Variants in PPAT observed in about 807,000 individuals in gnomAD.
PPAT encodes amidophosphoribosyltransferase.
In PPAT, 20 loss-of-function variants were observed where a neutral mutation model predicts 60.2. That is an observed-to-expected ratio of 0.33 (90% confidence interval 0.23 to 0.48). The LOEUF (loss-of-function observed/expected upper bound fraction) is 0.48, where lower values mean the gene tolerates loss of function less well. Ranked by LOEUF, PPAT falls within the 20% of genes least tolerant of loss-of-function variation. The pLI, the probability that PPAT is intolerant of heterozygous loss-of-function variation, is 0.99. For missense variants in PPAT, 349 were observed against 629.6 expected, an observed-to-expected ratio of 0.55 and a Z score of 4.77; for synonymous variants, 194 against 215.1, an observed-to-expected ratio of 0.90 and a Z score of 0.86.
In PPAT at chr4:56,431,480, C is replaced by G. The variant is rs1457668362; in HGVS notation, c.128+3870G>C. 4.1e-6 allele frequency: 4 copies of G among 976,732 alleles called. No homozygotes were observed. In the African/African-American group the frequency reaches 5.3e-5, roughly 13 times the overall value. 60.5% of individuals were successfully genotyped at this position (976,732 alleles called of 1,614,324 possible). A position where few individuals can be genotyped will look rare whatever the true frequency, so the allele number is the denominator to read the frequency against. On this transcript the variant is annotated intron_variant, in intron 1 of 10. Coordinates refer to ENST00000264220, the MANE Select transcript of PPAT (RefSeq NM_002703.5). ...TGAGATCATTACAAATCAGTTTCCT[C>G]AAAGCGTAATAACAGAACCAAAAGA...
intron 4 of PPAT, 41 bp downstream of exon 4, chr4:56,403,248 T>C: frequency 6.3e-7 from 1 of 1,597,056 alleles, no homozygotes; most frequent in Non-Finnish European, 8.6e-7. Flanking sequence ...GGCAAAACTC[T>C]CCTTACTAGA....
In PPAT at chr4:56,407,696, A is replaced by T; in HGVS notation, c.149T>A (p.Ile50Asn). The change falls in exon 2 of 11, where the codon ATT becomes AAT. Residue 50 changes from isoleucine to asparagine, a missense_variant. Ile to Asn is a moderately radical substitution (Grantham distance 149). Coordinates refer to ENST00000264220, the MANE Select transcript of PPAT (RefSeq NM_002703.5). ...CACCGAACTCCCATCACTAGTCACAATACCAGCACTCTCCTGACCCCTGTG... is the reference window on the plus strand; with the variant it reads ...CACCGAACTCCCATCACTAGTCACATTACCAGCACTCTCCTGACCCCTGTG... ...LQHRGQESAG[I>N]VTSDGSSVPT... The T allele has an allele frequency of 6.2e-7, 1 of 1,605,294 alleles. No homozygotes were observed. Among genetic ancestry groups the T allele is most frequent in the East Asian group, 2.2e-5 (1 of 44,876 alleles).
intron 3 of PPAT, 150 bp from the exon 4 acceptor site, chr4:56,403,551 T>C (rs190083489): frequency 1.6e-6 from 1 of 615,672 alleles, no homozygotes; most frequent in East Asian, 2.8e-5. Flanking sequence ...CCCCAACCTT[T>C]TTGGCACCAG....
At chr4:56,422,348 A>G (rs1339471497) in intron 1 of PPAT, 8 of 152,104 alleles carry the variant, frequency 5.3e-5, no homozygotes, top group Admixed American at 5.2e-4. Flanking sequence ...ATATCCCCTT[A>G]TGTTCATACA....
chr4:56,428,910 A>G, intron 1 of PPAT: 9 of 721,616 alleles, frequency 1.2e-5, no homozygotes, highest in Non-Finnish European at 1.5e-5. Flanking sequence ...GATGTCACAT[A>G]ATGATTCTTT....
intron 5 of PPAT, among the ~76,000 whole-genome samples, 199 bp from the exon 6 acceptor site, chr4:56,402,380 G>C (rs952198432): frequency 6.6e-6 from 1 of 152,072 alleles, no homozygotes; most frequent in African/African-American, 2.4e-5. Context: ...CTAACATTAT[G>C]ATTTCATGGC....
chr4:56,404,516 T>C (rs952532216), intron 3 of PPAT, among the ~76,000 whole-genome samples: 1 of 152,124 alleles, frequency 6.6e-6, no homozygotes, highest in Non-Finnish European at 1.5e-5. Flanking sequence ...CATGCACAGA[T>C]TGAGTCTGAA....
At position 56,395,263 on chromosome 4, in the gene PPAT, A is replaced by T; in HGVS notation, c.*89T>A. 1 of 1,166,690 alleles carries T rather than the reference A, an allele frequency of 8.6e-7. No homozygotes were observed. Among genetic ancestry groups the T allele is most frequent in the East Asian group, 2.6e-5 (1 of 37,932 alleles). 72.3% of individuals were successfully genotyped at this position (1,166,690 alleles called of 1,614,324 possible). A position where few individuals can be genotyped will look rare whatever the true frequency, so the allele number is the denominator to read the frequency against. ...AAGCATGGCATTTTACATTGTACCA[A>T]CTGAGTAACAGTAAATAGATGAGGT... On this transcript the variant is annotated 3_prime_UTR_variant, in exon 11 of 11. Coordinates refer to ENST00000264220, the MANE Select transcript of PPAT (RefSeq NM_002703.5).
In PPAT at chr4:56,395,158, T is replaced by C; in HGVS notation, c.*194A>G. 1 of 524,812 alleles carries C rather than the reference T, an allele frequency of 1.9e-6. No individual in the cohort carries two copies. The highest frequency in any genetic ancestry group is 3.4e-6 in the Non-Finnish European group (1 of 297,984). 32.5% of individuals were successfully genotyped at this position (524,812 alleles called of 1,614,324 possible). Reference sequence around the variant, plus strand: ...AAAAGAACACCACATATTGTTGTATTATATGCAATTGGAAATGTTCAGTTA... The same window carrying C: ...AAAAGAACACCACATATTGTTGTATCATATGCAATTGGAAATGTTCAGTTA... On this transcript the variant is annotated 3_prime_UTR_variant, in exon 11 of 11. Transcript: ENST00000264220.
intron 5 of PPAT, among the ~76,000 whole-genome samples, 192 bp downstream of exon 5, chr4:56,402,848 A>AAAAAAAAAAG (rs1560638308): frequency 8.5e-4 from 65 of 76,102 alleles, no homozygotes; most frequent in African/African-American, 3.4e-3. Context: ...AAAAAAAAAA[A>AAAAAAAAAAG]GGGGGGGGAC....
rs975175238 is a variant in PPAT at position 56,398,685 on chromosome 4, A to G, written c.1236+494T>C. 1.3e-4 allele frequency among the ~76,000 whole-genome samples: 20 copies of G among 152,156 alleles called. 2 individuals are homozygous for G. The highest frequency in any genetic ancestry group is 1.0e-3 in the Admixed American group (16 of 15,274). On this transcript the variant is annotated intron_variant, in intron 9 of 10. Transcript: ENST00000264220. ...GGCTGGTCTTGAACTCCTGGATGCA[A>G]GCAATCTGCCCACCTCAGCCTCCCA... is the stretch of plus-strand genomic sequence containing the variant.
chr4:56,404,022 G>GA, intron 3 of PPAT: 1 of 450,914 alleles, frequency 2.2e-6, no homozygotes, highest in East Asian at 7.0e-5. Context: ...ACAAGCCACA[G>GA]ACTGGTACTA....
At chr4:56,402,046 C>A in intron 6 of PPAT, 63 bp downstream of exon 6, 2 of 1,277,778 alleles carry the variant, frequency 1.6e-6, no homozygotes, top group Non-Finnish European at 2.2e-6. Context: ...AAATAAGAAA[C>A]TGTCTAAAAA....
At chr4:56,399,763 T>C (rs1253209604) in intron 8 of PPAT, 1 of 165,628 alleles carries the variant, frequency 6.0e-6, no homozygotes, top group Non-Finnish European at 1.3e-5. Flanking sequence ...ACCAATGAGA[T>C]ACTTTTTAGG....
At position 56,403,363 on chromosome 4, in the gene PPAT, A is replaced by G. The variant is rs748847830; in HGVS notation, c.441T>C (p.Asp147=). ...RHGIGLSTSS[D]SEMITQLLAY... ...CCAGTAACTGGGTAATCATTTCACT[A>G]TCAGAACTTGTAGACAGACCAATAC... Residue 147 remains aspartate, a synonymous_variant, in exon 4 of 11, where the codon GAT becomes GAC. Transcript: ENST00000264220. 21 of 1,613,970 alleles carry G rather than the reference A, an allele frequency of 1.3e-5. No individual in the cohort carries two copies. The highest frequency in any genetic ancestry group is 1.6e-5 in the Non-Finnish European group (19 of 1,179,870).
chr4:56,417,760 T>C (rs945462064), intron 1 of PPAT, among the ~76,000 whole-genome samples: 2 of 152,056 alleles, frequency 1.3e-5, no homozygotes, highest in Admixed American at 6.5e-5. Flanking sequence ...CACTCCAGCC[T>C]GTGCAACAGA....
At chr4:56,410,725 T>C (rs988253862) in intron 1 of PPAT, 2 of 986,428 alleles carry the variant, frequency 2.0e-6, no homozygotes, top group Middle Eastern at 5.6e-4. Flanking sequence ...AATATGAATA[T>C]AGAACAGTTA....
chr4:56,429,023 AACAAGTTCTTCC>A (rs982736519), intron 1 of PPAT: 1 of 895,652 alleles, frequency 1.1e-6, no homozygotes, highest in African/African-American at 1.8e-5. Flanking sequence ...CCAGAGAAAT[AACAAGTTCTTCC>A]ACACAGTGGA....
intron 1 of PPAT, among the ~76,000 whole-genome samples, chr4:56,411,545 T>C (rs1187860011): frequency 6.6e-6 from 1 of 152,174 alleles, no homozygotes; most frequent in Non-Finnish European, 1.5e-5. Flanking sequence ...ACTATTTACA[T>C]AGAATCTACT....
Sources: allele counts gnomAD v4.1 joint callset (sites outside exome capture counted in the v4.1 genomes callset), GRCh38; gene constraint gnomAD v4.1.1; transcripts MANE v1.5; gene names NCBI Gene and HGNC (gene_info 2026-07-23, HGNC 2026-07-21).